LYPLAL1: variants seen among roughly 807,000 people sequenced by gnomAD.
LYPLAL1 encodes the protein lysophospholipase like 1, also known as lysophospholipase-like protein 1.
In LYPLAL1, 23 loss-of-function variants were observed where a neutral mutation model predicts 19.7. The ratio of observed to expected loss-of-function variants is 1.17; its 90% CI spans 0.84 to 1.65. LYPLAL1 has a LOEUF of 1.65. Ranked by LOEUF, LYPLAL1 falls within the 40% of genes most tolerant of loss-of-function variation. The probability of loss-of-function intolerance (pLI) is 0.00; values close to 1 mark genes in which losing one functional copy is unlikely to be tolerated. For missense variants in LYPLAL1, 355 were observed against 279.4 expected, an observed-to-expected ratio of 1.27 and a Z score of -1.93; for synonymous variants, 119 against 96.3, an observed-to-expected ratio of 1.24 and a Z score of -1.38.
At chr1:219,380,603 G>A in the LYPLAL1 span, among the ~76,000 whole-genome samples, 3 of 152,228 alleles carry the variant, frequency 2.0e-5, no homozygotes, top group Non-Finnish European at 4.4e-5. Context: ...TTCCACAGAT[G>A]CCGCTGTAAC....
intron 2 of LYPLAL1, among the ~76,000 whole-genome samples, chr1:219,192,508 G>A (rs903681544): frequency 1.3e-5 from 2 of 151,586 alleles, no homozygotes; most frequent in African/African-American, 4.8e-5. Context: ...GGCATGCCAA[G>A]GGATAAGGAT....
the LYPLAL1 span, among the ~76,000 whole-genome samples, chr1:219,228,753 C>T: frequency 6.6e-6 from 1 of 151,982 alleles, no homozygotes; most frequent in Admixed American, 6.6e-5. Flanking sequence ...GATCTTGGCT[C>T]ACCACAACCT....
chr1:219,282,260 T>C, the LYPLAL1 span, among the ~76,000 whole-genome samples: 1 of 151,796 alleles, frequency 6.6e-6, no homozygotes, highest in Non-Finnish European at 1.5e-5. Flanking sequence ...TAGAAAATTG[T>C]AAGATAGGGC....
At chr1:219,387,772 A>G in the LYPLAL1 span, among the ~76,000 whole-genome samples, 1 of 152,194 alleles carries the variant, frequency 6.6e-6, no homozygotes, top group Non-Finnish European at 1.5e-5. Flanking sequence ...TTTAAATGAC[A>G]TTCCCACTCT....
At chr1:219,246,289 GGATCCTCTAATGA>G in the LYPLAL1 span, among the ~76,000 whole-genome samples, 1 of 152,028 alleles carries the variant, frequency 6.6e-6, no homozygotes, top group Non-Finnish European at 1.5e-5. Flanking sequence ...TGATACTGCA[GGATCCTCTAATGA>G]GATCCTGTAG....
chr1:219,416,842 T>A, the LYPLAL1 span, among the ~76,000 whole-genome samples: 4 of 152,266 alleles, frequency 2.6e-5, no homozygotes, highest in South Asian at 4.1e-4. Flanking sequence ...TTTCTCTTCA[T>A]CCTGTCTGGA....
the LYPLAL1 span, among the ~76,000 whole-genome samples, chr1:219,241,134 C>CTCTCTCTATATATA: frequency 1.1e-3 from 50 of 44,352 alleles, no homozygotes; most frequent in East Asian, 2.5e-3. Context: ...CTCTCTCTCT[C>CTCTCTCTATATATA]TATATATATA....
the LYPLAL1 span, among the ~76,000 whole-genome samples, chr1:219,266,921 A>C: frequency 6.6e-6 from 1 of 152,174 alleles, no homozygotes; most frequent in Admixed American, 6.5e-5. Context: ...TGTACCACAA[A>C]TTGAGAGTAT....
chr1:219,268,117 G>A, the LYPLAL1 span, among the ~76,000 whole-genome samples: 1 of 152,160 alleles, frequency 6.6e-6, no homozygotes, highest in African/African-American at 2.4e-5. Context: ...AAAAATTCCT[G>A]CCCTCGTGGA....
At chr1:219,184,168 C>T (rs1416135920) in intron 2 of LYPLAL1, among the ~76,000 whole-genome samples, 2 of 151,828 alleles carry the variant, frequency 1.3e-5, no homozygotes, top group Non-Finnish European at 2.9e-5. Context: ...CTAATACATA[C>T]ACATGGTATG....
the LYPLAL1 span, among the ~76,000 whole-genome samples, chr1:219,267,961 AAC>A: frequency 1.3e-5 from 2 of 152,184 alleles, no homozygotes; most frequent in African/African-American, 4.8e-5. Flanking sequence ...TTGGTTTAGG[AAC>A]AACTAAAACA....
chr1:219,405,117 G>T, the LYPLAL1 span, among the ~76,000 whole-genome samples: 1 of 152,192 alleles, frequency 6.6e-6, no homozygotes, highest in African/African-American at 2.4e-5. Context: ...AGGAAAAGAG[G>T]ATTTGCATGC....
chr1:219,188,422 T>G (rs1656894123), intron 2 of LYPLAL1, among the ~76,000 whole-genome samples: 1 of 151,650 alleles, frequency 6.6e-6, no homozygotes, highest in Admixed American at 6.6e-5. Context: ...TGCAGAAATG[T>G]TGCAAAGAGC....
the LYPLAL1 span, among the ~76,000 whole-genome samples, chr1:219,277,441 A>T: frequency 6.6e-6 from 1 of 152,272 alleles, no homozygotes; most frequent in Non-Finnish European, 1.5e-5. Flanking sequence ...GGAGAGAGAC[A>T]CTGTGGGTTT....
the LYPLAL1 span, among the ~76,000 whole-genome samples, chr1:219,439,043 C>T: frequency 2.6e-5 from 4 of 152,022 alleles, no homozygotes; most frequent in African/African-American, 4.8e-5. Context: ...CTTTGCTCTC[C>T]GACTCACTCA....
chr1:219,410,214 C>T, the LYPLAL1 span: 7 of 152,202 alleles, frequency 4.6e-5, no homozygotes, highest in Non-Finnish European at 7.3e-5. Flanking sequence ...CACTCCCTAT[C>T]ACATACATCT....
the LYPLAL1 span, among the ~76,000 whole-genome samples, chr1:219,429,153 AG>A: frequency 1.3e-5 from 2 of 152,330 alleles, no homozygotes; most frequent in African/African-American, 4.8e-5. Context: ...GAAGTAAAAC[AG>A]GCTTTTCAGA....
chr1:219,330,415 G>T, the LYPLAL1 span, among the ~76,000 whole-genome samples: 1 of 152,252 alleles, frequency 6.6e-6, no homozygotes, highest in Admixed American at 6.5e-5. Context: ...GAATGAAACT[G>T]TAATTTTCAC....
chr1:219,218,601 AT>A, the LYPLAL1 span, among the ~76,000 whole-genome samples: 1 of 152,042 alleles, frequency 6.6e-6, no homozygotes, highest in South Asian at 2.1e-4. Context: ...AAGCCAAAAA[AT>A]TGGACACACT....
Sources: gnomAD v4.1 joint callset for allele counts (sites outside exome capture counted in the v4.1 genomes callset) on GRCh38, gnomAD v4.1.1 for gene constraint, MANE v1.5 for transcripts, NCBI Gene and HGNC (gene_info 2026-07-23, HGNC 2026-07-21) for gene names.